Variants in CEP112 observed in about 807,000 individuals in gnomAD.
CEP112 encodes centrosomal protein 112, also known as centrosomal protein of 112 kDa.
Under a neutral mutation model 153.0 loss-of-function variants are expected in CEP112, and 127 were observed. That is an observed-to-expected ratio of 0.83 (90% CI 0.72 to 0.96). CEP112 has a LOEUF of 0.96. Ranked by LOEUF, CEP112 falls within the 40% of genes least tolerant of loss-of-function variation. The pLI, the probability that CEP112 is intolerant of heterozygous loss-of-function variation, is 0.00. For synonymous variants in CEP112, 358 were observed against 374.4 expected (o/e 0.96, Z 0.51); for missense variants, 1,089 against 1,101.2 (o/e 0.99, Z 0.16).
chr17:65,683,939 G>C (rs925305513), intron 24 of CEP112, among the ~76,000 whole-genome samples: 2 of 152,146 alleles, frequency 1.3e-5, no homozygotes, highest in Non-Finnish European at 2.9e-5. Context: ...TACTCGGAAG[G>C]CTGAGGCAGG....
intron 21 of CEP112, among the ~76,000 whole-genome samples, chr17:65,820,851 A>G (rs1399554682): frequency 1.3e-5 from 2 of 152,140 alleles, no homozygotes; most frequent in Non-Finnish European, 2.9e-5. Flanking sequence ...GAAATGTACA[A>G]TAACATAAGC....
intron 21 of CEP112, among the ~76,000 whole-genome samples, chr17:65,807,663 G>A (rs1224321765): frequency 6.6e-6 from 1 of 152,304 alleles, no homozygotes; most frequent in Admixed American, 6.5e-5. Flanking sequence ...TACAGCTCAG[G>A]CCATTGCTTC....
chr17:65,705,558 G>A (rs951927152), intron 23 of CEP112, among the ~76,000 whole-genome samples: 3 of 152,130 alleles, frequency 2.0e-5, no homozygotes, highest in Admixed American at 2.0e-4. Context: ...TGTGTTAAGT[G>A]TTCAATTGAG....
chr17:65,837,446 C>T (rs957676815), intron 21 of CEP112, among the ~76,000 whole-genome samples: 13 of 151,932 alleles, frequency 8.6e-5, no homozygotes, highest in African/African-American at 3.1e-4. Flanking sequence ...GCACCTCTGC[C>T]CAGCCGCTAC....
chr17:66,011,911 G>T (rs570788627), intron 16 of CEP112, among the ~76,000 whole-genome samples: 2 of 152,120 alleles, frequency 1.3e-5, no homozygotes, highest in Non-Finnish European at 2.9e-5. Context: ...TCCTGTATTG[G>T]GTGCATATAT....
chr17:66,008,298 T>C (rs1039181783), intron 16 of CEP112, among the ~76,000 whole-genome samples: 7 of 152,200 alleles, frequency 4.6e-5, no homozygotes, highest in Non-Finnish European at 1.0e-4. Flanking sequence ...TCAAGTATAC[T>C]ACAGATTATT....
chr17:66,084,000 G>T (rs1310020108), intron 8 of CEP112, among the ~76,000 whole-genome samples: 1 of 152,134 alleles, frequency 6.6e-6, no homozygotes, highest in Non-Finnish European at 1.5e-5. Context: ...TATGTTGGAA[G>T]GTGAAAGGCT....
intron 16 of CEP112, among the ~76,000 whole-genome samples, chr17:66,012,430 T>G (rs1188308729): frequency 6.6e-6 from 1 of 152,210 alleles, no homozygotes; most frequent in Non-Finnish European, 1.5e-5. Flanking sequence ...CTGGTGGTAA[T>G]GAAATCGCTT....
At chr17:65,819,412 G>C (rs1326815843) in intron 21 of CEP112, among the ~76,000 whole-genome samples, 2 of 151,892 alleles carry the variant, frequency 1.3e-5, no homozygotes, top group East Asian at 1.9e-4. Flanking sequence ...CAAAGTAACT[G>C]TGAGTAAAAG....
intron 4 of CEP112, among the ~76,000 whole-genome samples, chr17:66,161,105 G>C (rs1011711631): frequency 6.6e-6 from 1 of 152,098 alleles, no homozygotes; most frequent in African/African-American, 2.4e-5. Context: ...CTGGTTATTA[G>C]AGAAATGCAA....
intron 21 of CEP112, among the ~76,000 whole-genome samples, chr17:65,772,362 G>A (rs953349560): frequency 6.6e-6 from 1 of 152,070 alleles, no homozygotes; most frequent in Non-Finnish European, 1.5e-5. Flanking sequence ...TAGATGTATA[G>A]ATCTGAAAAA....
At chr17:65,787,074 T>C (rs1387867477) in intron 21 of CEP112, among the ~76,000 whole-genome samples, 1 of 152,240 alleles carries the variant, frequency 6.6e-6, no homozygotes, top group African/African-American at 2.4e-5. Flanking sequence ...CTATCTATAC[T>C]TGTACCAGTG....
At chr17:65,803,365 A>G (rs1275394909) in intron 21 of CEP112, among the ~76,000 whole-genome samples, 1 of 152,258 alleles carries the variant, frequency 6.6e-6, no homozygotes, top group Non-Finnish European at 1.5e-5. Context: ...GATAACTAAA[A>G]CAATAAATGA....
chr17:66,152,349 G>A (rs1442968370), intron 4 of CEP112, among the ~76,000 whole-genome samples: 1 of 152,194 alleles, frequency 6.6e-6, no homozygotes, highest in East Asian at 1.9e-4. Flanking sequence ...AAATATGCTT[G>A]AGGAACTAAG....
At chr17:65,744,235 TTTTGTTTGTTTGTTTG>T (rs71160503) in intron 22 of CEP112, among the ~76,000 whole-genome samples, 15 of 149,430 alleles carry the variant, frequency 1.0e-4, no homozygotes, top group East Asian at 2.0e-4. Context: ...TTTTTGTGTT[TTTTGTTTGTTTGTTTG>T]TTTGTTTGTT....
intron 12 of CEP112, among the ~76,000 whole-genome samples, chr17:66,044,497 C>T (rs1248282161): frequency 6.6e-6 from 1 of 152,128 alleles, no homozygotes; most frequent in African/African-American, 2.4e-5. Context: ...AATGGACACA[C>T]ATGTGGTATA....
chr17:65,739,393 G>A (rs1206161302), intron 23 of CEP112, among the ~76,000 whole-genome samples: 1 of 152,168 alleles, frequency 6.6e-6, no homozygotes, highest in Non-Finnish European at 1.5e-5. Flanking sequence ...AAGTGATAAA[G>A]AAGATTTTTT....
intron 11 of CEP112, among the ~76,000 whole-genome samples, chr17:66,059,241 G>A (rs2066826006): frequency 6.6e-6 from 1 of 151,914 alleles, no homozygotes; most frequent in Non-Finnish European, 1.5e-5. Flanking sequence ...CATTGACCGT[G>A]GTAAAGAATT....
At chr17:65,870,327 A>G (rs1279651081) in intron 20 of CEP112, among the ~76,000 whole-genome samples, 1 of 152,204 alleles carries the variant, frequency 6.6e-6, no homozygotes, top group Non-Finnish European at 1.5e-5. Context: ...GATCTTAAAG[A>G]AAGTGAGTTA....
Sources: gnomAD v4.1 joint callset for allele counts (sites outside exome capture counted in the v4.1 genomes callset) on GRCh38, gnomAD v4.1.1 for gene constraint, MANE v1.5 for transcripts, NCBI Gene and HGNC (gene_info 2026-07-23, HGNC 2026-07-21) for gene names.